The following XXYLT1 variants were observed in gnomAD, a reference collection of about 807,000 sequenced individuals.
XXYLT1 encodes the protein UDP-xylose:alpha-xyloside alpha-1,3-xylosyltransferase.
XXYLT1 carries 20 observed loss-of-function variants against 28.9 expected under a neutral mutation model. The ratio of observed to expected loss-of-function variants is 0.69; its 90% CI spans 0.49 to 1.00. The LOEUF is 1.00. Among genes scored for constraint, XXYLT1 ranks in the 50% least tolerant of loss-of-function variants. The pLI is 0.00. For missense variants in XXYLT1, 542 were observed against 560.1 expected, an observed-to-expected ratio of 0.97 and a Z score of 0.33; for synonymous variants, 257 against 253.8, an observed-to-expected ratio of 1.01 and a Z score of -0.12.
At chr3:195,070,232 C>T (rs1020830150) in intron 3 of XXYLT1, 121 bp from the exon 4 acceptor site, 15 of 1,286,896 alleles carry the variant, frequency 1.2e-5, no homozygotes, top group African/African-American at 6.0e-5. Flanking sequence ...GTGCAGAATC[C>T]GCATCACTAC....
chr3:195,111,389 G>A (rs1462215193), intron 3 of XXYLT1, among the ~76,000 whole-genome samples: 1 of 152,102 alleles, frequency 6.6e-6, no homozygotes, highest in East Asian at 1.9e-4. Context: ...ATGAATTTCT[G>A]AGGAACACAT....
chr3:195,117,438 C>A (rs1356213839), intron 3 of XXYLT1, among the ~76,000 whole-genome samples: 1 of 152,108 alleles, frequency 6.6e-6, no homozygotes, highest in Non-Finnish European at 1.5e-5. Context: ...AAGCAACATG[C>A]AGTAAATTTG....
At chr3:195,122,593 A>G (rs1287159311) in intron 3 of XXYLT1, among the ~76,000 whole-genome samples, 1 of 152,194 alleles carries the variant, frequency 6.6e-6, no homozygotes, top group Non-Finnish European at 1.5e-5. Flanking sequence ...CAAACAGGTG[A>G]GAAGGGATGA....
intron 3 of XXYLT1, among the ~76,000 whole-genome samples, chr3:195,126,523 T>A (rs7632126): frequency 6.6e-6 from 1 of 152,106 alleles, no homozygotes; most frequent in Non-Finnish European, 1.5e-5. Flanking sequence ...AAGGAGCCCA[T>A]GGATTTGGCC....
In XXYLT1 at chr3:195,228,440, C is replaced by T. The variant is rs73890749; in HGVS notation, c.505-1584G>A. 5.0e-3 allele frequency among the ~76,000 whole-genome samples: 760 copies of T among 151,840 alleles called. 5 individuals carry two copies. Among genetic ancestry groups the T allele is most frequent in the African/African-American group, 0.018 (725 of 41,384 alleles). On this transcript the variant is annotated intron_variant, in intron 1 of 3. Coordinates refer to ENST00000310380, the MANE Select transcript of XXYLT1 (RefSeq NM_152531.5). ...CGGTGGTCGTGGCCCTGTAAACCAC[C>T]GTCTGCTCTTCCCTACTGTTGGTTC...
intron 3 of XXYLT1, among the ~76,000 whole-genome samples, chr3:195,140,387 G>C: frequency 6.6e-6 from 1 of 152,168 alleles, no homozygotes; most frequent in East Asian, 1.9e-4. Flanking sequence ...GATGTGGGAG[G>C]CACCCTTACT....
At chr3:195,148,551 A>C (rs899403482) in intron 3 of XXYLT1, among the ~76,000 whole-genome samples, 88 of 152,182 alleles carry the variant, frequency 5.8e-4, no homozygotes, top group African/African-American at 2.1e-3. Flanking sequence ...ACATTTATGC[A>C]TCTCGTAATG....
intron 2 of XXYLT1, among the ~76,000 whole-genome samples, chr3:195,219,766 T>C (rs778908744): frequency 6.6e-6 from 1 of 152,162 alleles, no homozygotes; most frequent in African/African-American, 2.4e-5. Flanking sequence ...AAGGCCCCCA[T>C]GACAGACACT....
At chr3:195,197,812 C>G (rs747815617) in intron 2 of XXYLT1, among the ~76,000 whole-genome samples, 2 of 152,232 alleles carry the variant, frequency 1.3e-5, no homozygotes, top group Non-Finnish European at 2.9e-5. Context: ...TGGTCAAATA[C>G]TCTCTCCAGA....
chr3:195,248,414 G>A lies in XXYLT1; in HGVS notation c.505-21558C>T, dbSNP rs76637991. Among the ~76,000 whole-genome samples, 10 of 152,336 alleles carry A rather than the reference G, an allele frequency of 6.6e-5. No homozygotes were observed. In the East Asian group the frequency reaches 1.9e-3, roughly 29 times the overall value. On this transcript the variant is annotated intron_variant, in intron 1 of 3. Coordinates refer to ENST00000310380, the MANE Select transcript of XXYLT1 (RefSeq NM_152531.5). ...TCCCGTGCAGTTCCTGTGAAAGTGA[G>A]TAAGTCTCATGAAATCTGATGGTTC...
chr3:195,152,382 G>T (rs1720320123), intron 3 of XXYLT1: 1 of 152,628 alleles, frequency 6.6e-6, no homozygotes, highest in Non-Finnish European at 1.5e-5. Context: ...CATCCAAGAT[G>T]ACTACAGCGC....
chr3:195,150,854 T>TCACA lies in XXYLT1; in HGVS notation c.785+5591_785+5594dup, dbSNP rs770508897. On this transcript the variant is annotated intron_variant, in intron 3 of 3. Coordinates refer to ENST00000310380, the MANE Select transcript of XXYLT1 (RefSeq NM_152531.5). This position sits in a 1 kb window ranked among gnomAD's most constrained non-coding sequence, Gnocchi z 4.7. ...CATACGCACACTCTCTCACACACTCTCACACACACACACACTCTCTCCCTC... is the reference window on the plus strand; with the variant it reads ...CATACGCACACTCTCTCACACACTCTCACACACACACACACACACTCTCTCCCTC... Among the ~76,000 whole-genome samples the TCACA allele has an allele frequency of 2.3e-5, 2 of 87,068 alleles. 1 individual carries two copies. The highest frequency in any genetic ancestry group is 4.4e-5 in the Non-Finnish European group (2 of 45,146). 57.1% of individuals were successfully genotyped at this position (87,068 alleles called of 152,430 possible). A position where few individuals can be genotyped will look rare whatever the true frequency, so the allele number is the denominator to read the frequency against.
intron 3 of XXYLT1, among the ~76,000 whole-genome samples, chr3:195,149,598 CT>C (rs1228601085): frequency 2.6e-5 from 4 of 152,236 alleles, no homozygotes; most frequent in Admixed American, 2.0e-4. Context: ...GTCTCTCCCC[CT>C]GTCCTCGTCC....
At chr3:195,225,738 T>C (rs1489785356) in intron 2 of XXYLT1, among the ~76,000 whole-genome samples, 1 of 150,192 alleles carries the variant, frequency 6.7e-6, no homozygotes, top group African/African-American at 2.4e-5. Flanking sequence ...GGGGGGGACC[T>C]GGTGGGGGGT....
intron 2 of XXYLT1, among the ~76,000 whole-genome samples, chr3:195,223,207 T>C (rs904495657): frequency 2.0e-5 from 3 of 152,098 alleles, no homozygotes; most frequent in African/African-American, 7.2e-5. Context: ...CACTCCAGCC[T>C]GGGCGAGAGT....
chr3:195,156,772 C>T (rs895340544), intron 2 of XXYLT1, among the ~76,000 whole-genome samples, 191 bp from the exon 3 acceptor site: 1 of 152,242 alleles, frequency 6.6e-6, no homozygotes, highest in Non-Finnish European at 1.5e-5. Context: ...TTAGTCTTCA[C>T]AAACGACTAC....
At chr3:195,166,905 T>C (rs1352937922) in intron 2 of XXYLT1, among the ~76,000 whole-genome samples, 3 of 152,134 alleles carry the variant, frequency 2.0e-5, no homozygotes, top group Non-Finnish European at 2.9e-5. Flanking sequence ...TCTTCATCTC[T>C]TGACCTTGTG....
chr3:195,260,124 C>A (rs1560180685), intron 1 of XXYLT1: 1 of 151,884 alleles, frequency 6.6e-6, no homozygotes, highest in African/African-American at 2.4e-5. Flanking sequence ...AAAAAAACAC[C>A]CCGCGGGAGC....
intron 3 of XXYLT1, among the ~76,000 whole-genome samples, chr3:195,134,008 T>C (rs1039443067): frequency 6.6e-6 from 1 of 152,078 alleles, no homozygotes; most frequent in African/African-American, 2.4e-5. Context: ...GCCCAGGAGT[T>C]TGAGACCAAC....
Sources: gnomAD v4.1 joint callset for allele counts (sites outside exome capture counted in the v4.1 genomes callset) on GRCh38, gnomAD v4.1.1 for gene constraint, Gnocchi (gnomAD v3.1) non-coding constraint, MANE v1.5 for transcripts, NCBI Gene and HGNC (gene_info 2026-07-23, HGNC 2026-07-21) for gene names.